DPF3: variants seen among roughly 807,000 people sequenced by gnomAD.
DPF3 encodes double PHD fingers 3.
In DPF3, 18 loss-of-function variants were observed where a neutral mutation model predicts 56.8. The observed-to-expected ratio is 0.32, with a 90% CI of 0.22 to 0.47. The LOEUF is 0.47. Among genes scored for constraint, DPF3 ranks in the 20% least tolerant of loss-of-function variants. The pLI is 1.00. For missense variants in DPF3, 403 were observed against 488.8 expected (o/e 0.82, Z 1.65); for synonymous variants, 188 against 180.2 (o/e 1.04, Z -0.35).
At chr14:72,849,804 A>C (rs1007389688) in intron 1 of DPF3, among the ~76,000 whole-genome samples, 1 of 152,070 alleles carries the variant, frequency 6.6e-6, no homozygotes, top group African/African-American at 2.4e-5. Flanking sequence ...GTTGTGCACT[A>C]TGCTTTTTGA....
chr14:72,850,233 A>C (rs1447009571), intron 1 of DPF3, among the ~76,000 whole-genome samples: 1 of 152,184 alleles, frequency 6.6e-6, no homozygotes, highest in Non-Finnish European at 1.5e-5. Flanking sequence ...CCCATGTGGC[A>C]AATGGCTTGG....
At position 72,612,738 on chromosome 14, in the gene DPF3, A is replaced by G; in HGVS notation, c.*6559T>C. On this transcript the variant is annotated 3_prime_UTR_variant, in exon 11 of 11. Transcript: ENST00000556509. ...ATAGCAGAATTGAGACTTTTGAAGT[A>G]CCCAACTATTGCCAAATATCTTTCA... 7.5e-6 allele frequency: 3 copies of G among 402,478 alleles called. No individual in the cohort carries two copies. The highest frequency in any genetic ancestry group is 5.5e-5 in the South Asian group (3 of 54,620). The allele number at this position is 402,478 out of a possible 1,614,324, so 24.9% of individuals were successfully genotyped here.
chr14:72,821,157 G>A (rs1038569765), intron 1 of DPF3, among the ~76,000 whole-genome samples: 20 of 145,492 alleles, frequency 1.4e-4, no homozygotes, highest in East Asian at 3.9e-4. Flanking sequence ...AAAAATTAGC[G>A]GGCGTGGTGG....
At chr14:72,851,719 ACTT>A (rs1884989857) in intron 1 of DPF3, among the ~76,000 whole-genome samples, 2 of 152,242 alleles carry the variant, frequency 1.3e-5, no homozygotes, top group Non-Finnish European at 2.9e-5. Flanking sequence ...TGATGCAGAT[ACTT>A]CTTCAAGTGA....
At chr14:72,769,409 C>T (rs569035353) in intron 2 of DPF3, among the ~76,000 whole-genome samples, 5 of 152,264 alleles carry the variant, frequency 3.3e-5, no homozygotes, top group East Asian at 1.9e-4. Context: ...GGGCCGGGCA[C>T]GGTGGCTTAC....
At chr14:72,867,992 C>A (rs1055190664) in intron 1 of DPF3, among the ~76,000 whole-genome samples, 3 of 152,106 alleles carry the variant, frequency 2.0e-5, no homozygotes, top group Non-Finnish European at 4.4e-5. Context: ...GTGGCTGCCT[C>A]GGCCTCCCAA....
chr14:72,730,768 T>A (rs923118018), intron 4 of DPF3, among the ~76,000 whole-genome samples: 2 of 152,090 alleles, frequency 1.3e-5, no homozygotes, highest in Non-Finnish European at 1.5e-5. Context: ...AATTTAATAT[T>A]AACTACCAAT....
intron 2 of DPF3, among the ~76,000 whole-genome samples, chr14:72,756,863 A>AGGAAGGAAG (rs1461806204): frequency 4.2e-4 from 47 of 110,822 alleles, no homozygotes; most frequent in African/African-American, 1.6e-3. Context: ...AAAGAAAGAA[A>AGGAAGGAAG]GAAAGAAAGG....
intron 1 of DPF3, among the ~76,000 whole-genome samples, chr14:72,817,222 C>T (rs1883327960): frequency 6.6e-6 from 1 of 152,216 alleles, no homozygotes. Context: ...TTTCCCAAAA[C>T]TCAACTCTCT....
intron 1 of DPF3, among the ~76,000 whole-genome samples, chr14:72,783,259 C>T (rs1486668674): frequency 6.8e-6 from 1 of 147,868 alleles, no homozygotes; most frequent in Non-Finnish European, 1.5e-5. Flanking sequence ...CAAAGTTTTT[C>T]TCTTTGCCTA....
intron 3 of DPF3, among the ~76,000 whole-genome samples, chr14:72,736,071 C>A (rs1889881744): frequency 6.6e-6 from 1 of 152,180 alleles, no homozygotes; most frequent in Admixed American, 6.5e-5. Context: ...CACTGTCCAA[C>A]AGAAATGTAA....
At chr14:72,856,348 C>T (rs1045045917) in intron 1 of DPF3, among the ~76,000 whole-genome samples, 2 of 152,172 alleles carry the variant, frequency 1.3e-5, no homozygotes, top group African/African-American at 2.4e-5. Context: ...TTGCAGCCAG[C>T]AGGACTCCCA....
chr14:72,723,144 T>C (rs1889253012), intron 5 of DPF3, among the ~76,000 whole-genome samples: 2 of 152,096 alleles, frequency 1.3e-5, no homozygotes, highest in Admixed American at 1.3e-4. Context: ...TATTAACTCG[T>C]AATTTAATAT....
chr14:72,686,952 G>A (rs1887438727), intron 7 of DPF3, among the ~76,000 whole-genome samples: 1 of 152,226 alleles, frequency 6.6e-6, no homozygotes, highest in Non-Finnish European at 1.5e-5. Flanking sequence ...CCATATGTTA[G>A]AGGACAAGAG....
intron 1 of DPF3, among the ~76,000 whole-genome samples, chr14:72,860,478 C>A (rs980976106): frequency 6.6e-6 from 1 of 152,180 alleles, no homozygotes; most frequent in Non-Finnish European, 1.5e-5. Flanking sequence ...AGCCACCACA[C>A]CCGGCCCTTT....
intron 8 of DPF3, among the ~76,000 whole-genome samples, chr14:72,630,758 T>G (rs547168912): frequency 1.3e-5 from 2 of 152,210 alleles, no homozygotes; most frequent in Non-Finnish European, 2.9e-5. Flanking sequence ...ACAAAAAACA[T>G]TGACAGCTTT....
intron 8 of DPF3, among the ~76,000 whole-genome samples, chr14:72,656,574 T>C (rs1383690181): frequency 6.6e-6 from 1 of 152,250 alleles, no homozygotes; most frequent in African/African-American, 2.4e-5. Context: ...GTTCACACAA[T>C]GTTTAATAAA....
chr14:72,882,040 G>A (rs1288779370), intron 1 of DPF3, among the ~76,000 whole-genome samples: 1 of 152,106 alleles, frequency 6.6e-6, no homozygotes. Context: ...CCCAAAGGCC[G>A]AAGCTTTGGG....
chr14:72,770,979 C>CG (rs397795646), intron 2 of DPF3, among the ~76,000 whole-genome samples: 1 of 24,568 alleles, frequency 4.1e-5, no homozygotes, highest in Non-Finnish European at 9.7e-5. Context: ...GAGTTCGAGA[C>CG]AGCCTGACCA....
Sources: gnomAD v4.1 joint callset for allele counts (sites outside exome capture counted in the v4.1 genomes callset) on GRCh38, gnomAD v4.1.1 for gene constraint, MANE v1.5 for transcripts, NCBI Gene and HGNC (gene_info 2026-07-23, HGNC 2026-07-21) for gene names.